Variants in PRKDC observed in about 807,000 individuals in gnomAD.
PRKDC encodes DNA-dependent protein kinase catalytic subunit.
In PRKDC, 82 loss-of-function variants were observed where a neutral mutation model predicts 486.9. The observed-to-expected ratio is 0.17, with a 90% confidence interval of 0.14 to 0.20. The LOEUF (loss-of-function observed/expected upper bound fraction) is 0.20. Among genes scored for constraint, PRKDC ranks in the 10% least tolerant of loss-of-function variants. PRKDC has a pLI of 1.00. For synonymous variants in PRKDC, 1,895 were observed against 1,837.0 expected (o/e 1.03, Z -0.81); for missense variants, 4,504 against 5,038.2 (o/e 0.89, Z 3.21).
chr8:47,939,749 C>CT, intron 10 of PRKDC, 52 bp from the exon 11 acceptor site: 1 of 1,401,110 alleles, frequency 7.1e-7, no homozygotes, highest in Non-Finnish European at 9.6e-7. Flanking sequence ...GCAATGGAAT[C>CT]TATACAAACA....
intron 51 of PRKDC, among the ~76,000 whole-genome samples, chr8:47,853,052 A>G (rs369701500): frequency 1.3e-5 from 2 of 152,270 alleles, no homozygotes; most frequent in East Asian, 3.8e-4. Context: ...CTGAACAGAC[A>G]GAAAGGTGCA....
chr8:47,776,862 T>C lies in PRKDC; in HGVS notation c.12164A>G (p.Asn4055Ser). The C allele has an allele frequency of 1.9e-6, 3 of 1,613,970 alleles. No individual in the cohort carries two copies. The highest frequency in any genetic ancestry group is 2.5e-6 in the Non-Finnish European group (3 of 1,179,892). The change falls in exon 85 of 86, where the codon AAT (asparagine) becomes AGT (serine). Residue 4055 changes from asparagine to serine, a missense_variant. By Grantham distance (46) the Asn-to-Ser change is conservative. Transcript: ENST00000314191. ...ATCTTACCAAGTAATGACTGCTGGA[T>C]TGGCACCTGCTAACTTTCTCTTAGC... ...CYAKRKLAGA[N>S]PAVITCDELL... is the part of the protein sequence containing the mutation.
chr8:47,860,211 C>T (rs2088644464), intron 45 of PRKDC, among the ~76,000 whole-genome samples: 1 of 152,042 alleles, frequency 6.6e-6, no homozygotes, highest in South Asian at 2.1e-4. Flanking sequence ...AAGCAAAAAA[C>T]AAAAACAAGG....
intron 67 of PRKDC, among the ~76,000 whole-genome samples, chr8:47,818,269 A>G (rs1468118513): frequency 6.6e-6 from 1 of 152,116 alleles, no homozygotes; most frequent in Non-Finnish European, 1.5e-5. Flanking sequence ...AATCCATCTC[A>G]TAAAGTTGTT....
intron 67 of PRKDC, among the ~76,000 whole-genome samples, chr8:47,818,729 A>T (rs1319178444): frequency 6.6e-6 from 1 of 151,980 alleles, no homozygotes; most frequent in Admixed American, 6.5e-5. Flanking sequence ...AATAGAAAAT[A>T]ACTAGGTAGA....
At chr8:47,942,458 GCTCT>G (rs528978871) in intron 10 of PRKDC, among the ~76,000 whole-genome samples, 32 of 152,178 alleles carry the variant, frequency 2.1e-4, no homozygotes, top group Non-Finnish European at 4.4e-4. Context: ...GGATGCCAGT[GCTCT>G]CTCTTCTCCT....
chr8:47,882,265 C>A (rs1184007713), intron 36 of PRKDC, among the ~76,000 whole-genome samples, 168 bp from the exon 37 acceptor site: 1 of 152,174 alleles, frequency 6.6e-6, no homozygotes, highest in Non-Finnish European at 1.5e-5. Context: ...TACACTTTAA[C>A]CATAGTTTTT....
intron 11 of PRKDC, 125 bp downstream of exon 11, chr8:47,939,426 C>G (rs1410124327): frequency 1.4e-5 from 15 of 1,089,600 alleles, no homozygotes; most frequent in Non-Finnish European, 1.9e-5. Context: ...CAGTTCACGC[C>G]CATGTTATTC....
At chr8:47,878,668 T>C (rs912089670) in intron 39 of PRKDC, among the ~76,000 whole-genome samples, 1 of 152,224 alleles carries the variant, frequency 6.6e-6, no homozygotes, top group Non-Finnish European at 1.5e-5. Flanking sequence ...CCCTTAATTT[T>C]ATCTTCAGAA....
At chr8:47,803,939 A>AT (rs1291716739) in intron 69 of PRKDC, among the ~76,000 whole-genome samples, 1 of 151,410 alleles carries the variant, frequency 6.6e-6, no homozygotes, top group Non-Finnish European at 1.5e-5. Flanking sequence ...TCTCCAAAAA[A>AT]AAAAAAAAAT....
At chr8:47,906,254 G>T (rs530968218) in intron 25 of PRKDC, among the ~76,000 whole-genome samples, 42 of 152,296 alleles carry the variant, frequency 2.8e-4, no homozygotes, top group African/African-American at 8.9e-4. Context: ...GGCTGAGATG[G>T]GTGGATGGCT....
rs1443382361 is a variant in PRKDC at position 47,849,315 on chromosome 8, G to A, written c.7131-12C>T. 6.2e-7 allele frequency: 1 copy of A among 1,613,830 alleles called. No individual in the cohort carries two copies. Among genetic ancestry groups the A allele is most frequent in the Non-Finnish European group, 8.5e-7 (1 of 1,179,870 alleles). On this transcript the variant is annotated splice_polypyrimidine_tract_variant and intron_variant, in intron 53 of 85. Coordinates refer to ENST00000314191, the MANE Select transcript of PRKDC (RefSeq NM_006904.7). ...CAGCATTCATGAACCTGGCGGGGAAGGGAACTGGTGAGAGGAGGGCCGAGG... is the reference window on the plus strand; with the variant it reads ...CAGCATTCATGAACCTGGCGGGGAAAGGAACTGGTGAGAGGAGGGCCGAGG...
Position 47,905,199 on chromosome 8 carries a change from ATT to A in PRKDC, c.2935-225_2935-224del, listed in dbSNP as rs527537273. Among the ~76,000 whole-genome samples, 287 of 149,960 alleles carry A rather than the reference ATT, an allele frequency of 1.9e-3. 3 individuals carry two copies. The highest frequency in any genetic ancestry group is 3.4e-3 in the Non-Finnish European group (230 of 67,244). ...TACCACCACACCCAGTTAACTTAAA[ATT>A]TTTTTTTTGTAGAGACAGGGTTCCA... On this transcript the variant is annotated intron_variant, in intron 25 of 85. Transcript: ENST00000314191.
At position 47,960,121 on chromosome 8, in the gene PRKDC, C is replaced by A; in HGVS notation, c.6G>T (p.Ala2=). The part of the protein sequence containing the change: M[A]GSGAGVRCSL... ...AGCAACGCACACCGGCTCCGGAGCC[C>A]GCCATGCCGCCGAGTCCCGCTCCCG... The change falls in exon 1 of 86, where the codon GCG becomes GCT. Residue 2 remains alanine, a synonymous_variant. Transcript: ENST00000314191. 1 of 1,498,458 alleles carries A rather than the reference C, an allele frequency of 6.7e-7. No homozygotes were observed. The highest frequency in any genetic ancestry group is 8.9e-7 in the Non-Finnish European group (1 of 1,127,196). 92.8% of individuals were successfully genotyped at this position (1,498,458 alleles called of 1,614,324 possible).
chr8:47,871,210 G>T (rs1362893951), intron 40 of PRKDC, among the ~76,000 whole-genome samples: 1 of 152,132 alleles, frequency 6.6e-6, no homozygotes, highest in Admixed American at 6.5e-5. Context: ...TATTGAGAAA[G>T]ATAGCAATAT....
chr8:47,859,833 AT>A, intron 45 of PRKDC, 74 bp from the exon 46 acceptor site: 1 of 1,385,738 alleles, frequency 7.2e-7, no homozygotes, highest in Non-Finnish European at 9.9e-7. Context: ...CTAAATTCAA[AT>A]GATATGAAAA....
At chr8:47,956,016 GA>G in intron 3 of PRKDC, 68 bp from the exon 4 acceptor site, 2 of 1,134,376 alleles carry the variant, frequency 1.8e-6, no homozygotes, top group Admixed American at 4.8e-5. Context: ...AGCAATACCT[GA>G]AACTACTTCT....
chr8:47,882,678 C>T (rs1051696698), intron 36 of PRKDC, among the ~76,000 whole-genome samples: 1 of 152,204 alleles, frequency 6.6e-6, no homozygotes, highest in Non-Finnish European at 1.5e-5. Context: ...CCCACATTTT[C>T]TGTCTCACCA....
At position 47,789,187 on chromosome 8, in the gene PRKDC, G is replaced by A. The variant is rs966667201; in HGVS notation, c.10722C>T (p.Ala3574=). 1 of 1,608,874 alleles carries A rather than the reference G, an allele frequency of 6.2e-7. No homozygotes were observed. The highest frequency in any genetic ancestry group is 1.3e-5 in the African/African-American group (1 of 74,766). Residue 3574 remains alanine, a synonymous_variant, in exon 75 of 86, where the codon GCC becomes GCT. Transcript: ENST00000314191. The part of the protein sequence containing the change: ...QGGVIQDFIN[A]LDQLSNPELL... ...GTTCAGGATTAGAGAGCTGATCTAA[G>A]GCATTAATAAAATCTTGAATCACTC...
Sources: allele counts gnomAD v4.1 joint callset (sites outside exome capture counted in the v4.1 genomes callset), GRCh38; gene constraint gnomAD v4.1.1; transcripts MANE v1.5; gene names NCBI Gene and HGNC (gene_info 2026-07-23, HGNC 2026-07-21).